NFIC: variants seen among roughly 807,000 people sequenced by gnomAD.
The protein encoded by NFIC is nuclear factor 1 C-type.
NFIC carries 12 observed loss-of-function variants against 54.4 expected under a neutral mutation model. That is an observed-to-expected ratio of 0.22 (90% CI 0.14 to 0.36). The LOEUF is 0.36. Among genes scored for constraint, NFIC ranks in the 10% least tolerant of loss-of-function variants. The pLI is 1.00. For missense variants in NFIC, 575 were observed against 718.2 expected (o/e 0.80, Z 2.28); for synonymous variants, 322 against 319.2 (o/e 1.01, Z -0.09).
intron 1 of NFIC, among the ~76,000 whole-genome samples, chr19:3,379,416 G>A (rs1461807503): frequency 6.6e-6 from 1 of 151,128 alleles, no homozygotes; most frequent in Non-Finnish European, 1.5e-5. Flanking sequence ...ATGTAGTGGC[G>A]AGCTCTCGGC....
At chr19:3,432,081 C>A (rs1420343045) in intron 3 of NFIC, among the ~76,000 whole-genome samples, 1 of 152,146 alleles carries the variant, frequency 6.6e-6, no homozygotes, top group Non-Finnish European at 1.5e-5. Context: ...GCTTAGTAAA[C>A]GCCTGTTGAG....
chr19:3,366,271 G>C (rs1362158936), upstream of NFIC, among the ~76,000 whole-genome samples: 1 of 150,312 alleles, frequency 6.7e-6, no homozygotes, highest in African/African-American at 2.5e-5. Flanking sequence ...CGTCGGGGGA[G>C]GCTCTCCTTT....
intron 6 of NFIC, among the ~76,000 whole-genome samples, chr19:3,438,449 T>C (rs998861564): frequency 1.6e-5 from 2 of 127,514 alleles, no homozygotes; most frequent in African/African-American, 2.9e-5. Context: ...TTTTTTTTTT[T>C]CTTTTTGAGA....
chr19:3,434,276 G>A lies in NFIC; in HGVS notation c.710-1G>A. On this transcript the variant is annotated splice_acceptor_variant, in intron 4 of 10. Coordinates refer to ENST00000443272, the MANE Select transcript of NFIC (RefSeq NM_001245002.2). LOFTEE classifies it high-confidence loss of function. ...TCACTCTCCTCTGTCACCCTCTGCA[G>A]CACCCGTGGTGACTGGAACAGGACC... The A allele has an allele frequency of 6.2e-7, 1 of 1,608,688 alleles. No individual in the cohort carries two copies.
chr19:3,394,519 A>ACACCCCCCCCCCCCCCCCCCCC (rs1555744611), intron 2 of NFIC, among the ~76,000 whole-genome samples: 1 of 47,312 alleles, frequency 2.1e-5, no homozygotes, highest in African/African-American at 1.4e-4. Context: ...TCTTTTCCCC[A>ACACCCCCCCCCCCCCCCCCCCC]CCCACCCCCC....
At chr19:3,407,823 A>G (rs913972683) in intron 2 of NFIC, among the ~76,000 whole-genome samples, 2 of 152,140 alleles carry the variant, frequency 1.3e-5, no homozygotes, top group Non-Finnish European at 2.9e-5. Flanking sequence ...AGGGTGTTCC[A>G]GAGAAGGAGA....
At chr19:3,443,787 G>A (rs1277845093) in intron 6 of NFIC, among the ~76,000 whole-genome samples, 6 of 152,174 alleles carry the variant, frequency 3.9e-5, no homozygotes, top group Admixed American at 3.9e-4. Context: ...CAGGGACACC[G>A]CTTAGCACCC....
In NFIC at chr19:3,452,720, CG is replaced by C; in HGVS notation, c.1269+59del. 1.3e-6 allele frequency: 2 copies of C among 1,531,352 alleles called. No homozygotes were observed. Among genetic ancestry groups the C allele is most frequent in the Admixed American group, 2.0e-5 (1 of 50,992 alleles). The allele number at this position is 1,531,352 out of a possible 1,614,324, so 94.9% of individuals were successfully genotyped here. A position where few individuals can be genotyped will look rare whatever the true frequency, so the allele number is the denominator to read the frequency against. On this transcript the variant is annotated intron_variant, in intron 8 of 10. Transcript: ENST00000443272. The surrounding 1 kb of genome is among the most constrained non-coding windows in gnomAD (Gnocchi z 5.3). ...CTCCTGGCGGCTCCAGGTGACCTCC[CG>C]GGGGCCACGTGCTCACACGAAGGCA...
rs1022876038 is a variant in NFIC at position 3,383,106 on chromosome 19, G to A, written c.562+863G>A. ...CGGCCTTGCTGGGAGCAGGGGTGAG[G>A]AGAGGAGAGGGACAGGCCATCCCAG... On this transcript the variant is annotated intron_variant, in intron 2 of 10. Transcript: ENST00000443272. Among the ~76,000 whole-genome samples, 8 of 151,830 alleles carry A rather than the reference G, an allele frequency of 5.3e-5. No homozygotes were observed. The South Asian group carries it at 1.0e-3, about 20-fold the overall frequency.
In NFIC at chr19:3,453,851, C is replaced by T. The variant is rs759676235; in HGVS notation, c.1358C>T (p.Ala453Val). ...CCGCCCCCGGGGCTGCCACGGCTGG[C>T]GCTCCCCCCTGCCACCAAACCCGCC... ...APPPPGLPRLALPPATKPATT... is the reference protein window; with the variant it reads ...APPPPGLPRLVLPPATKPATT... Residue 453 changes from alanine (A) to valine (V), a missense_variant, in exon 9 of 11, where the codon GCG becomes GTG. Transcript: ENST00000443272. The surrounding 1 kb of genome is among the most constrained non-coding windows in gnomAD (Gnocchi z 6.7). 3.6e-5 allele frequency: 56 copies of T among 1,568,672 alleles called. No homozygotes were observed. In the Admixed American group the frequency reaches 7.6e-4, roughly 21 times the overall value.
chr19:3,399,396 G>C (rs567831053), intron 2 of NFIC, among the ~76,000 whole-genome samples: 2 of 152,148 alleles, frequency 1.3e-5, no homozygotes, highest in African/African-American at 4.8e-5. Flanking sequence ...GGGCAACATA[G>C]TGAGATGCCC....
At chr19:3,403,955 G>A (rs967240708) in intron 2 of NFIC, among the ~76,000 whole-genome samples, 5 of 152,160 alleles carry the variant, frequency 3.3e-5, no homozygotes, top group African/African-American at 1.2e-4. Flanking sequence ...CCATGGGGAC[G>A]CCCGTGTGTG....
intron 2 of NFIC, among the ~76,000 whole-genome samples, chr19:3,417,438 G>A (rs2081879199): frequency 6.6e-6 from 1 of 152,092 alleles, no homozygotes; most frequent in African/African-American, 2.4e-5. Flanking sequence ...ATTCAGCACA[G>A]TAAAAACTCA....
At position 3,449,073 on chromosome 19, in the gene NFIC, C is replaced by T; in HGVS notation, c.1018C>T (p.Pro340Ser). Residue 340 changes from proline (P) to serine (S), a missense_variant, in exon 7 of 11, where the codon CCC (proline) becomes TCC (serine). Around this residue, in one of 3 missense-constraint regions of NFIC, gnomAD observed 447 missense variants for 526.9 expected, o/e 0.85. Transcript: ENST00000443272. ...CAAGTCACCATTCAACAGCCCGTCC[C>T]CCCAGGACTCTCCCCGCCTCTCCAG... is the stretch of plus-strand genomic sequence containing the variant. ...MDKSPFNSPS[P>S]QDSPRLSSFT... 1 of 1,613,718 alleles carries T rather than the reference C, an allele frequency of 6.2e-7. No individual in the cohort carries two copies. Among genetic ancestry groups the T allele is most frequent in the African/African-American group, 1.3e-5 (1 of 75,026 alleles).
At chr19:3,363,754 A>G (rs779425534), upstream of NFIC, among the ~76,000 whole-genome samples, 5 of 152,232 alleles carry the variant, frequency 3.3e-5, no homozygotes, top group Non-Finnish European at 4.4e-5. Context: ...ACACTTAGCC[A>G]TGTCTAAGGA....
intron 1 of NFIC, among the ~76,000 whole-genome samples, chr19:3,378,066 G>A (rs2081138630): frequency 6.6e-6 from 1 of 151,652 alleles, no homozygotes; most frequent in Non-Finnish European, 1.5e-5. Flanking sequence ...CCAACATGGT[G>A]AAACCCCATC....
At chr19:3,385,823 C>T (rs1483394513) in intron 2 of NFIC, among the ~76,000 whole-genome samples, 4 of 151,772 alleles carry the variant, frequency 2.6e-5, no homozygotes, top group Admixed American at 6.6e-5. Context: ...CCACCCGCCT[C>T]GGCCTCCCAA....
intron 2 of NFIC, among the ~76,000 whole-genome samples, chr19:3,387,811 G>A (rs2081321375): frequency 1.3e-5 from 2 of 152,124 alleles, no homozygotes; most frequent in Admixed American, 6.5e-5. Context: ...CCGGGGGTGG[G>A]GCGGGAGAGG....
Position 3,464,551 on chromosome 19 carries a change from C to T in NFIC, c.*1782C>T. On this transcript the variant is annotated 3_prime_UTR_variant, in exon 11 of 11. Transcript: ENST00000443272. ...GCCCACCCAGCCCAGCCCCAACTGA[C>T]CTCCATGCCTAGGGAAAAACTCCCC... 2 of 870,058 alleles carry T rather than the reference C, an allele frequency of 2.3e-6. No individual in the cohort carries two copies. Among genetic ancestry groups the T allele is most frequent in the Non-Finnish European group, 1.4e-6 (1 of 736,284 alleles). The allele number at this position is 870,058 out of a possible 1,614,324, so 53.9% of individuals were successfully genotyped here.
Sources: allele counts gnomAD v4.1 joint callset (sites outside exome capture counted in the v4.1 genomes callset), GRCh38; gene constraint gnomAD v4.1.1; regional missense constraint gnomAD v4.1.1; non-coding constraint Gnocchi (gnomAD v3.1); transcripts MANE v1.5; gene names NCBI Gene and HGNC (gene_info 2026-07-23, HGNC 2026-07-21).